OTUD7B: variants seen among roughly 807,000 people sequenced by gnomAD.
The protein encoded by OTUD7B is OTU domain-containing protein 7B.
OTUD7B carries 34 observed loss-of-function variants against 82.2 expected under a neutral mutation model. That is an observed-to-expected ratio of 0.41 (90% CI 0.31 to 0.55). OTUD7B has a LOEUF of 0.55. OTUD7B is among the 20% of genes least tolerant of loss of function. The pLI is 0.20. For synonymous variants in OTUD7B, 398 were observed against 402.7 expected, an observed-to-expected ratio of 0.99 and a Z score of 0.14; for missense variants, 944 against 1,062.1, an observed-to-expected ratio of 0.89 and a Z score of 1.55.
At chr1:150,056,072 A>G in the OTUD7B span, among the ~76,000 whole-genome samples, 20 of 152,180 alleles carry the variant, frequency 1.3e-4, no homozygotes, top group Non-Finnish European at 2.8e-4. Context: ...AGAAAAAACT[A>G]TTATACTCAA....
chr1:149,945,041 G>A lies in OTUD7B; in HGVS notation c.1348C>T (p.Pro450Ser), dbSNP rs782024074. The change falls in exon 12 of 12, where the codon CCC becomes TCC. Residue 450 changes from proline to serine, a missense_variant. By Grantham distance (74) the Pro-to-Ser change is moderately conservative. Around this residue, in one of 3 missense-constraint regions of OTUD7B, gnomAD observed 530 missense variants for 625.6 expected, o/e 0.85. Coordinates refer to ENST00000581312, the MANE Select transcript of OTUD7B (RefSeq NM_020205.4). ...GGCTCATCTCCAGCTGAGGCGGTGG[G>A]GGACTCAGGCTGGGCCAGAGGAGCC... is the stretch of plus-strand genomic sequence containing the variant. ...AQAPLAQPES[P>S]TASAGDEPRS... The A allele has an allele frequency of 2.5e-6, 4 of 1,613,816 alleles. No individual in the cohort carries two copies. The highest frequency in any genetic ancestry group is 3.4e-6 in the Non-Finnish European group (4 of 1,179,954).
rs1320400973 is a variant in OTUD7B at position 149,952,310 on chromosome 1, T to G, written c.846-2089A>C. On this transcript the variant is annotated intron_variant, in intron 7 of 11. Coordinates refer to ENST00000581312, the MANE Select transcript of OTUD7B (RefSeq NM_020205.4). Reference sequence around the variant, plus strand: ...GGAGAACATGTGGTGTTTGGTTTTTTGTCCTTGCGATAGTTTGCTCAGAAT... The same window carrying G: ...GGAGAACATGTGGTGTTTGGTTTTTGGTCCTTGCGATAGTTTGCTCAGAAT... 2.6e-5 allele frequency among the ~76,000 whole-genome samples: 4 copies of G among 151,962 alleles called. No individual in the cohort carries two copies. The East Asian group carries it at 7.7e-4, about 29-fold the overall frequency.
chr1:150,047,900 C>G, the OTUD7B span: 1 of 151,714 alleles, frequency 6.6e-6, no homozygotes, highest in Non-Finnish European at 1.5e-5. Context: ...TGTAGTAAGA[C>G]AAGATCGCGC....
upstream of OTUD7B, among the ~76,000 whole-genome samples, chr1:150,014,736 C>T (rs761542201): frequency 1.3e-4 from 19 of 151,942 alleles, no homozygotes; most frequent in Non-Finnish European, 2.2e-4. Context: ...AACAGGCGAA[C>T]GTAATCTTGA....
intron 1 of OTUD7B, among the ~76,000 whole-genome samples, chr1:149,988,869 T>C (rs1179637628): frequency 1.3e-5 from 2 of 152,162 alleles, no homozygotes; most frequent in Non-Finnish European, 2.9e-5. Context: ...TTCTAATCAT[T>C]GAATTTTTCA....
At chr1:149,960,510 G>A (rs1649082908) in intron 6 of OTUD7B, among the ~76,000 whole-genome samples, 2 of 146,670 alleles carry the variant, frequency 1.4e-5, no homozygotes, top group South Asian at 4.4e-4. Context: ...TCAGCCTCTC[G>A]AGTAGCTGGG....
rs373284341 is a variant in OTUD7B, at chr1:149,950,266, TGA to T, written c.846-47_846-46del. The T allele has an allele frequency of 7.0e-4, 1,127 of 1,604,590 alleles. 9 individuals are homozygous for T. In the African/African-American group the frequency reaches 0.013, roughly 18 times the overall value. ...GAGAGTGAAAAGGGTGCAGTAAAAA[TGA>T]GAGAGTAGAAACAGGAGACCCTGAA... is the stretch of plus-strand genomic sequence containing the variant. On this transcript the variant is annotated intron_variant, in intron 7 of 11. Coordinates refer to ENST00000581312, the MANE Select transcript of OTUD7B (RefSeq NM_020205.4).
chr1:149,974,568 T>TC (rs1205897204), intron 2 of OTUD7B, among the ~76,000 whole-genome samples: 1 of 119,522 alleles, frequency 8.4e-6, no homozygotes. Context: ...TTTTTTTTTG[T>TC]AGACAGAGTC....
chr1:149,979,320 A>C (rs1359218294), intron 1 of OTUD7B, among the ~76,000 whole-genome samples: 1 of 152,152 alleles, frequency 6.6e-6, no homozygotes. Flanking sequence ...TCCTTTCCAA[A>C]GGGACATCAA....
At chr1:150,034,017 G>A in the OTUD7B span, among the ~76,000 whole-genome samples, 1 of 152,128 alleles carries the variant, frequency 6.6e-6, no homozygotes, top group Non-Finnish European at 1.5e-5. Context: ...ACCGCACCCA[G>A]CCTAATAATA....
chr1:150,010,265 C>A, intron 1 of OTUD7B, among the ~76,000 whole-genome samples, 183 bp downstream of exon 1: 1 of 151,996 alleles, frequency 6.6e-6, no homozygotes, highest in South Asian at 2.1e-4. Context: ...GAGGAAAGAT[C>A]GGGACGAAGC....
intron 11 of OTUD7B, among the ~76,000 whole-genome samples, chr1:149,946,064 GA>G (rs782285224): frequency 2.7e-5 from 4 of 150,194 alleles, no homozygotes; most frequent in Admixed American, 2.7e-4. Flanking sequence ...CCATCTCAAA[GA>G]AAAATAATAA....
chr1:149,998,583 T>C (rs587653964), intron 1 of OTUD7B, among the ~76,000 whole-genome samples: 2 of 152,348 alleles, frequency 1.3e-5, no homozygotes, highest in Admixed American at 1.3e-4. Flanking sequence ...AGGTAAAACT[T>C]TTCCCTATCT....
At chr1:150,063,435 G>C in the OTUD7B span, among the ~76,000 whole-genome samples, 3 of 152,132 alleles carry the variant, frequency 2.0e-5, no homozygotes, top group African/African-American at 7.2e-5. Context: ...GGGTGACAGA[G>C]CAAGACCGTC....
chr1:150,025,220 G>A, the OTUD7B span, among the ~76,000 whole-genome samples: 2 of 151,918 alleles, frequency 1.3e-5, no homozygotes, highest in African/African-American at 4.8e-5. Context: ...TCACGCGTTC[G>A]AGACCAGCCT....
chr1:149,944,465 C>CT lies in OTUD7B; in HGVS notation c.1923dup (p.Glu642ArgfsTer31). ...CTCTCTGCCTCCTTCTGCTTCTGTT[C>CT]TGCCAGGAATCTCTCCTCAGCATCA... On this transcript the variant is annotated frameshift_variant, in exon 12 of 12. Transcript: ENST00000581312. LOFTEE classifies it high-confidence loss of function. 6.2e-7 allele frequency: 1 copy of CT among 1,614,160 alleles called. No individual in the cohort carries two copies. The highest frequency in any genetic ancestry group is 8.5e-7 in the Non-Finnish European group (1 of 1,180,032).
the OTUD7B span, among the ~76,000 whole-genome samples, chr1:150,039,409 G>C: frequency 6.7e-6 from 1 of 149,426 alleles, no homozygotes; most frequent in African/African-American, 2.5e-5. Flanking sequence ...ACGGATTCTC[G>C]CTCTGTCACC....
chr1:150,035,439 C>T, the OTUD7B span, among the ~76,000 whole-genome samples: 1 of 152,108 alleles, frequency 6.6e-6, no homozygotes, highest in Non-Finnish European at 1.5e-5. Flanking sequence ...GGCATGGATG[C>T]CCTCACTGAC....
At chr1:150,013,931 AAAAAT>A, upstream of OTUD7B, among the ~76,000 whole-genome samples, 1 of 2,952 alleles carries the variant, frequency 3.4e-4, no homozygotes, top group African/African-American at 4.3e-4. Flanking sequence ...AAAAAAAAAA[AAAAAT>A]AATATATATA....
Sources: gnomAD v4.1 joint callset for allele counts (sites outside exome capture counted in the v4.1 genomes callset) on GRCh38, gnomAD v4.1.1 for gene constraint, gnomAD v4.1.1 regional missense constraint, MANE v1.5 for transcripts, NCBI Gene and HGNC (gene_info 2026-07-23, HGNC 2026-07-21) for gene names.